Variants in MERTK observed in about 807,000 individuals in gnomAD.
The protein encoded by MERTK is tyrosine-protein kinase Mer.
Under a neutral mutation model 99.3 loss-of-function variants are expected in MERTK, and 69 were observed. That is an observed-to-expected ratio of 0.70 (90% CI 0.57 to 0.85). The LOEUF is 0.85. Among genes scored for constraint, MERTK ranks in the 40% least tolerant of loss-of-function variants. The pLI is 0.00. For synonymous variants in MERTK, 426 were observed against 467.6 expected, an observed-to-expected ratio of 0.91 and a Z score of 1.15; for missense variants, 1,125 against 1,249.4, an observed-to-expected ratio of 0.90 and a Z score of 1.50.
At chr2:111,934,190 CAT>C (rs1264993970) in intron 2 of MERTK, among the ~76,000 whole-genome samples, 2 of 152,108 alleles carry the variant, frequency 1.3e-5, no homozygotes, top group Non-Finnish European at 2.9e-5. Context: ...CATACGTGTG[CAT>C]ATGTCTTTAT....
intron 15 of MERTK, chr2:112,010,344 T>G: frequency 2.6e-6 from 1 of 390,694 alleles, no homozygotes; most frequent in Non-Finnish European, 4.9e-6. Context: ...AGGCTCCTGG[T>G]TCTGCACTTC....
chr2:112,003,120 A>G lies in MERTK; in HGVS notation c.1719A>G (p.Leu573=), dbSNP rs886054758. ...TLHSLGVSEE[L]QNKLEDVVID... Reference sequence around the variant, plus strand: ...ATAGCTTGGGAGTCAGTGAGGAACTACAAAATAAACTAGAAGATGTTGTGA... The same window carrying G: ...ATAGCTTGGGAGTCAGTGAGGAACTGCAAAATAAACTAGAAGATGTTGTGA... Residue 573 remains leucine, a synonymous_variant, in exon 12 of 19, where the codon CTA becomes CTG. Coordinates refer to ENST00000295408, the MANE Select transcript of MERTK (RefSeq NM_006343.3). 1 of 1,598,928 alleles carries G rather than the reference A, an allele frequency of 6.3e-7. No individual in the cohort carries two copies.
rs772473965 is a variant in MERTK at position 111,929,266 on chromosome 2, C to A, written c.208C>A (p.Pro70Thr). The A allele has an allele frequency of 2.5e-6, 4 of 1,614,224 alleles. No individual in the cohort carries two copies. In the South Asian group the frequency reaches 3.3e-5, roughly 13 times the overall value. ...QPALMFSPTQ[P>T]GRPHTGNVAI... ...TGCCTTGATGTTTTCACCAACCCAG[C>A]CTGGAAGACCACATACAGGAAACGT... Residue 70 changes from proline to threonine, a missense_variant, in exon 2 of 19, where the codon CCT (proline) becomes ACT (threonine). Transcript: ENST00000295408.
intron 7 of MERTK, 94 bp from the exon 8 acceptor site, chr2:111,982,748 A>G: frequency 7.3e-7 from 1 of 1,378,178 alleles, no homozygotes; most frequent in Non-Finnish European, 1.0e-6. Flanking sequence ...CTTTTCATAG[A>G]GCATTTGAAA....
intron 8 of MERTK, among the ~76,000 whole-genome samples, chr2:111,986,442 A>T (rs1191032321): frequency 1.3e-5 from 2 of 152,252 alleles, no homozygotes; most frequent in African/African-American, 4.8e-5. Flanking sequence ...AGTGATTACC[A>T]GCAGACACTT....
At chr2:111,915,120 GT>G (rs767969367) in intron 1 of MERTK, among the ~76,000 whole-genome samples, 2 of 152,164 alleles carry the variant, frequency 1.3e-5, no homozygotes, top group Non-Finnish European at 2.9e-5. Context: ...CATTGTGATA[GT>G]TTATGTTTTT....
At chr2:112,011,923 C>T (rs1405143281) in intron 15 of MERTK, among the ~76,000 whole-genome samples, 1 of 152,074 alleles carries the variant, frequency 6.6e-6, no homozygotes, top group African/African-American at 2.4e-5. Context: ...AGGAGACAGA[C>T]AATTGGTTAT....
chr2:112,016,604 C>T (rs1023203646), intron 15 of MERTK, among the ~76,000 whole-genome samples: 1 of 152,146 alleles, frequency 6.6e-6, no homozygotes, highest in Non-Finnish European at 1.5e-5. Context: ...GCCACTCTGC[C>T]CAGGGCAGAC....
chr2:112,023,531 A>G (rs1248411983), intron 18 of MERTK, among the ~76,000 whole-genome samples: 1 of 152,106 alleles, frequency 6.6e-6, no homozygotes, highest in Non-Finnish European at 1.5e-5. Context: ...CCATCCTGAC[A>G]GGGCCCCCGT....
At chr2:111,899,260 C>A (rs1037991979) in intron 1 of MERTK, among the ~76,000 whole-genome samples, 1 of 152,182 alleles carries the variant, frequency 6.6e-6, no homozygotes, top group Non-Finnish European at 1.5e-5. Flanking sequence ...CGGCGCGGGG[C>A]GAACGAACGG....
chr2:111,975,204 A>G, intron 6 of MERTK, 85 bp from the exon 7 acceptor site: 1 of 1,305,506 alleles, frequency 7.7e-7, no homozygotes, highest in Non-Finnish European at 1.1e-6. Flanking sequence ...AGGAAGGGCC[A>G]CGTGCACCGA....
intron 1 of MERTK, among the ~76,000 whole-genome samples, chr2:111,905,144 C>T (rs990413248): frequency 1.3e-5 from 2 of 152,232 alleles, no homozygotes; most frequent in African/African-American, 4.8e-5. Flanking sequence ...TTACTTTTCT[C>T]TGTCTGAACC....
intron 9 of MERTK, 108 bp from the exon 10 acceptor site, chr2:111,997,215 A>G (rs899434639): frequency 3.8e-6 from 5 of 1,301,538 alleles, no homozygotes; most frequent in Non-Finnish European, 4.5e-6. Flanking sequence ...GTAGATTATA[A>G]AAGATTTAAC....
chr2:111,904,133 C>T (rs775809363), intron 1 of MERTK, among the ~76,000 whole-genome samples: 14 of 152,230 alleles, frequency 9.2e-5, no homozygotes, highest in Non-Finnish European at 1.3e-4. Context: ...AAGCAGGGCC[C>T]GCCCTGACTG....
chr2:111,932,090 A>G (rs1205562917), intron 2 of MERTK, among the ~76,000 whole-genome samples: 6 of 152,192 alleles, frequency 3.9e-5, no homozygotes, highest in Non-Finnish European at 8.8e-5. Context: ...TTTTCAGCTT[A>G]TTATATATAA....
At chr2:112,020,468 C>A in intron 16 of MERTK, 1 of 411,124 alleles carries the variant, frequency 2.4e-6, no homozygotes, top group Non-Finnish European at 4.9e-6. Context: ...CCCCAGACTA[C>A]TTTATATCTA....
intron 15 of MERTK, among the ~76,000 whole-genome samples, chr2:112,018,072 C>T (rs1677254340): frequency 6.6e-6 from 1 of 152,198 alleles, no homozygotes; most frequent in South Asian, 2.1e-4. Context: ...AGCTCCTACA[C>T]AAGAAGAAGG....
chr2:111,950,882 G>A (rs1685042410), intron 4 of MERTK, among the ~76,000 whole-genome samples: 1 of 152,080 alleles, frequency 6.6e-6, no homozygotes, highest in African/African-American at 2.4e-5. Flanking sequence ...ACAATATTGA[G>A]CCTTCCAATC....
intron 1 of MERTK, among the ~76,000 whole-genome samples, chr2:111,912,052 G>C (rs1314351286): frequency 6.6e-6 from 1 of 151,810 alleles, no homozygotes; most frequent in Non-Finnish European, 1.5e-5. Context: ...ACCCCGGCTG[G>C]AGTGCAGTGG....
Sources: allele counts gnomAD v4.1 joint callset (sites outside exome capture counted in the v4.1 genomes callset), GRCh38; gene constraint gnomAD v4.1.1; transcripts MANE v1.5; gene names NCBI Gene and HGNC (gene_info 2026-07-23, HGNC 2026-07-21).